Variants in GRAMD1B observed in about 807,000 individuals in gnomAD.
GRAMD1B encodes the protein protein Aster-B.
Under a neutral mutation model 99.7 loss-of-function variants are expected in GRAMD1B, and 37 were observed. The observed-to-expected ratio is 0.37, with a 90% confidence interval of 0.29 to 0.49. The LOEUF (loss-of-function observed/expected upper bound fraction) is 0.49, where lower values mean the gene tolerates loss of function less well. Ranked by LOEUF, GRAMD1B falls within the 20% of genes least tolerant of loss-of-function variation. The pLI, the probability that GRAMD1B is intolerant of heterozygous loss-of-function variation, is 0.98. For synonymous variants in GRAMD1B, 427 were observed against 387.6 expected (o/e 1.10, Z -1.19); for missense variants, 888 against 1,009.2 (o/e 0.88, Z 1.63).
intron 2 of GRAMD1B, among the ~76,000 whole-genome samples, chr11:123,482,139 C>T (rs1347641238): frequency 1.3e-5 from 2 of 151,792 alleles, no homozygotes; most frequent in African/African-American, 4.8e-5. Flanking sequence ...CGCTCTGTCA[C>T]ATAGGCTGGA....
chr11:123,584,739 A>G (rs1221270311), intron 4 of GRAMD1B, among the ~76,000 whole-genome samples: 1 of 152,092 alleles, frequency 6.6e-6, no homozygotes, highest in African/African-American at 2.4e-5. Context: ...ACTTTCCCCC[A>G]TTGATAGAAG....
intron 1 of GRAMD1B, among the ~76,000 whole-genome samples, chr11:123,378,054 T>A (rs554944486): frequency 6.6e-6 from 1 of 152,350 alleles, no homozygotes; most frequent in East Asian, 1.9e-4. Context: ...CTATGTGTTC[T>A]AGTGGTCAGA....
chr11:123,610,165 G>GT lies in GRAMD1B; in HGVS notation c.1777-27dup. 1 of 1,612,916 alleles carries GT rather than the reference G, an allele frequency of 6.2e-7. No individual in the cohort carries two copies. The highest frequency in any genetic ancestry group is 8.5e-7 in the Non-Finnish European group (1 of 1,179,160). On this transcript the variant is annotated intron_variant, in intron 13 of 19. Coordinates refer to ENST00000635736, the MANE Select transcript of GRAMD1B (RefSeq NM_001387025.1). The surrounding 1 kb of genome is among the most constrained non-coding windows in gnomAD (Gnocchi z 4.1). ...TTTCCAAGCTTCTTGCTCCTCTTCA[G>GT]TTTTGTCCAATGGACCTTTCCTGCC...
chr11:123,478,193 A>G (rs1951399681), intron 1 of GRAMD1B, among the ~76,000 whole-genome samples: 1 of 150,918 alleles, frequency 6.6e-6, no homozygotes. Context: ...TTTTTTTTTT[A>G]TAGAGATGGG....
chr11:123,590,792 T>C (rs1000610550), intron 4 of GRAMD1B, among the ~76,000 whole-genome samples: 5 of 151,790 alleles, frequency 3.3e-5, no homozygotes, highest in Non-Finnish European at 2.9e-5. Flanking sequence ...AGGGTAGAGG[T>C]TGATTAAACG....
intron 1 of GRAMD1B, among the ~76,000 whole-genome samples, chr11:123,403,032 A>G (rs1947723815): frequency 6.6e-6 from 1 of 151,926 alleles, no homozygotes; most frequent in African/African-American, 2.4e-5. Context: ...TACACATGAC[A>G]CAGAACTCTG....
At chr11:123,397,758 C>CT (rs1333296797) in intron 1 of GRAMD1B, among the ~76,000 whole-genome samples, 1 of 152,172 alleles carries the variant, frequency 6.6e-6, no homozygotes, top group Non-Finnish European at 1.5e-5. Context: ...ATCCTCCCAC[C>CT]TTGGCCTCCC....
At position 123,594,180 on chromosome 11, in the gene GRAMD1B, C is replaced by A. The variant is rs374199546; in HGVS notation, c.769+14C>A. The A allele has an allele frequency of 3.2e-5, 50 of 1,579,710 alleles. 1 individual carries two copies. The highest frequency in any genetic ancestry group is 3.1e-4 in the East Asian group (14 of 44,712). Reference sequence around the variant, plus strand: ...GCCTCATTGTTGGTGAGTTGGGTGACCTGGGAGGGGATGGGAAGGAAGTCT... The same window carrying A: ...GCCTCATTGTTGGTGAGTTGGGTGAACTGGGAGGGGATGGGAAGGAAGTCT... On this transcript the variant is annotated intron_variant, in intron 5 of 19. Transcript: ENST00000635736.
intron 3 of GRAMD1B, among the ~76,000 whole-genome samples, chr11:123,582,194 TC>T (rs1209072925): frequency 6.6e-6 from 1 of 152,230 alleles, no homozygotes. Flanking sequence ...CTGCACAGCC[TC>T]TTGCCCTGTG....
At chr11:123,566,449 G>T (rs1262571314) in intron 2 of GRAMD1B, among the ~76,000 whole-genome samples, 1 of 152,194 alleles carries the variant, frequency 6.6e-6, no homozygotes, top group Non-Finnish European at 1.5e-5. Context: ...GTGGCTGGAC[G>T]ATGGAATGAA....
chr11:123,613,711 C>A, intron 16 of GRAMD1B, 53 bp downstream of exon 16: 1 of 1,359,430 alleles, frequency 7.4e-7, no homozygotes, highest in Non-Finnish European at 1.0e-6. Flanking sequence ...GCTGGAGCTG[C>A]ATGCCCACAC....
chr11:123,378,609 A>G (rs1946769022), intron 1 of GRAMD1B, among the ~76,000 whole-genome samples: 1 of 152,214 alleles, frequency 6.6e-6, no homozygotes, highest in Admixed American at 6.5e-5. Context: ...CTCCCCAAGG[A>G]TATAGCAGAG....
At position 123,605,443 on chromosome 11, in the gene GRAMD1B, C is replaced by G. The variant is rs1480183400; in HGVS notation, c.1288C>G (p.Leu430Val). 2 of 1,613,282 alleles carry G rather than the reference C, an allele frequency of 1.2e-6. No individual in the cohort carries two copies. The highest frequency in any genetic ancestry group is 2.2e-5 in the East Asian group (1 of 44,854). The stretch of plus-strand genomic sequence containing the variant: ...CAAGAAATCCATCACCAACAGCACA[C>G]TAACATCCACAGGGAGCAGTGAGGC... ...LPKKSITNST[L>V]TSTGSSEAPV... Residue 430 changes from leucine (L) to valine (V), a missense_variant, in exon 10 of 20, where the codon CTA becomes GTA. Physicochemically the swap from Leu to Val is conservative, Grantham distance 32 (BLOSUM62 1). Coordinates refer to ENST00000635736, the MANE Select transcript of GRAMD1B (RefSeq NM_001387025.1).
Position 123,449,714 on chromosome 11 carries a change from C to CTTTTTTTTT in GRAMD1B, c.374+18557_374+18565dup, listed in dbSNP as rs767104181. On this transcript the variant is annotated intron_variant, in intron 1 of 19. Coordinates refer to ENST00000635736, the MANE Select transcript of GRAMD1B (RefSeq NM_001387025.1). ...TGCAGATGCATGCCACCATGCCTGG[C>CTTTTTTTTT]TTTTTTTTTTTTTTTTTGAGACAGG... Among the ~76,000 whole-genome samples, 113 of 99,950 alleles carry CTTTTTTTTT rather than the reference C, an allele frequency of 1.1e-3. 11 individuals carry two copies. The highest frequency in any genetic ancestry group is 4.5e-3 in the East Asian group (15 of 3,364). 65.6% of individuals were successfully genotyped at this position (99,950 alleles called of 152,430 possible). A position where few individuals can be genotyped will look rare whatever the true frequency, so the allele number is the denominator to read the frequency against.
rs759398423 is a variant in GRAMD1B at position 123,605,477 on chromosome 11, C to G, written c.1322C>G (p.Ser441Trp). ...TSTGSSEAPV[S>W]FDGLPLEEEA... ...ACAGGGAGCAGTGAGGCCCCCGTCT[C>G]GGTATGGGCAGTCAGCCTTTGACTT... is the stretch of plus-strand genomic sequence containing the variant. Residue 441 changes from serine to tryptophan, a missense_variant and splice_region_variant, in exon 10 of 20, where the codon TCG (serine) becomes TGG (tryptophan). By Grantham distance (177) the Ser-to-Trp change is radical. Coordinates refer to ENST00000635736, the MANE Select transcript of GRAMD1B (RefSeq NM_001387025.1). 2 of 1,607,746 alleles carry G rather than the reference C, an allele frequency of 1.2e-6. No homozygotes were observed. Among genetic ancestry groups the G allele is most frequent in the Admixed American group, 3.4e-5 (2 of 59,500 alleles).
intron 1 of GRAMD1B, chr11:123,458,632 C>T (rs1950265754): frequency 6.6e-6 from 1 of 151,750 alleles, no homozygotes; most frequent in Non-Finnish European, 1.5e-5. Context: ...ATGCAAATCC[C>T]TTTTTTGATT....
intron 1 of GRAMD1B, among the ~76,000 whole-genome samples, chr11:123,462,869 A>G (rs1361373169): frequency 2.2e-5 from 3 of 133,482 alleles, no homozygotes; most frequent in African/African-American, 8.7e-5. Context: ...AACACCCAAG[A>G]ATTATCAATA....
chr11:123,584,784 C>T (rs2136358480), intron 4 of GRAMD1B, among the ~76,000 whole-genome samples: 1 of 152,238 alleles, frequency 6.6e-6, no homozygotes, highest in Middle Eastern at 3.4e-3. Flanking sequence ...ACCCCTGTCC[C>T]AAGTACCCCT....
chr11:123,604,277 A>G (rs112001225), intron 9 of GRAMD1B, among the ~76,000 whole-genome samples: 2 of 152,342 alleles, frequency 1.3e-5, no homozygotes, highest in African/African-American at 4.8e-5. Context: ...TGACTCGGTG[A>G]ACCTAAAAAG....
Sources: gnomAD v4.1 joint callset for allele counts (sites outside exome capture counted in the v4.1 genomes callset) on GRCh38, gnomAD v4.1.1 for gene constraint, Gnocchi (gnomAD v3.1) non-coding constraint, MANE v1.5 for transcripts, NCBI Gene and HGNC (gene_info 2026-07-23, HGNC 2026-07-21) for gene names.